The following MCUB variants were observed in gnomAD, a reference collection of about 807,000 sequenced individuals.
MCUB encodes calcium uniporter regulatory subunit MCUb, mitochondrial.
A neutral mutation model predicts 41.4 loss-of-function variants in MCUB; 46 were observed. The ratio of observed to expected loss-of-function variants is 1.11; its 90% confidence interval spans 0.88 to 1.42. The LOEUF (loss-of-function observed/expected upper bound fraction) is 1.42. Ranked by LOEUF, MCUB falls within the 40% of genes most tolerant of loss-of-function variation. The pLI, the probability that MCUB is intolerant of heterozygous loss-of-function variation, is 0.00. For synonymous variants in MCUB, 148 were observed against 148.2 expected (o/e 1.00, Z 0.01); for missense variants, 403 against 404.9 (o/e 1.00, Z 0.04).
intron 4 of MCUB, among the ~76,000 whole-genome samples, chr4:109,679,333 G>A (rs749800713): frequency 3.3e-5 from 5 of 152,152 alleles, no homozygotes; most frequent in South Asian, 2.1e-4. Context: ...CCGAGATCAC[G>A]CCACTGCACT....
At chr4:109,626,821 C>CAAAAAA (rs58560479) in intron 1 of MCUB, among the ~76,000 whole-genome samples, 2 of 81,556 alleles carry the variant, frequency 2.5e-5, no homozygotes, top group African/African-American at 1.0e-4. Flanking sequence ...GAGTCCGACT[C>CAAAAAA]AAAAAAAAAA....
At chr4:109,598,575 G>C (rs985568171) in intron 1 of MCUB, among the ~76,000 whole-genome samples, 1 of 150,700 alleles carries the variant, frequency 6.6e-6, no homozygotes, top group Non-Finnish European at 1.5e-5. Context: ...GGGCATGAGA[G>C]GGAGACCGTG....
intron 1 of MCUB, among the ~76,000 whole-genome samples, chr4:109,653,543 C>T (rs953981777): frequency 6.6e-6 from 1 of 152,072 alleles, no homozygotes; most frequent in African/African-American, 2.4e-5. Context: ...CATTCGTTTT[C>T]TATTGACTTT....
At position 109,594,354 on chromosome 4, in the gene MCUB, T is replaced by A. The variant is rs572421290; in HGVS notation, c.99+33918T>A. ...TTCAGGAATGTCATAATAGGCCTAG[T>A]GGCCTGCTAGCCTCAGATTTCCAAA... On this transcript the variant is annotated intron_variant, in intron 1 of 7. Coordinates refer to ENST00000394650, the MANE Select transcript of MCUB (RefSeq NM_017918.5). Among the ~76,000 whole-genome samples the A allele has an allele frequency of 3.3e-5, 5 of 152,314 alleles. No individual in the cohort carries two copies. In the South Asian group the frequency reaches 1.0e-3, roughly 32 times the overall value.
intron 1 of MCUB, among the ~76,000 whole-genome samples, chr4:109,649,752 A>T (rs775905617): frequency 3.3e-4 from 5 of 15,010 alleles, no homozygotes; most frequent in Non-Finnish European, 5.1e-4. Flanking sequence ...ATGATTTTTT[A>T]AAATAGAAAT....
rs200307243 is a variant in MCUB, at chr4:109,615,428, C to T, written c.100-43583C>T. Among the ~76,000 whole-genome samples, 348 of 142,560 alleles carry T rather than the reference C, an allele frequency of 2.4e-3. 4 individuals carry two copies. The highest frequency in any genetic ancestry group is 0.02 in the Admixed American group (283 of 13,982). 93.5% of individuals were successfully genotyped at this position (142,560 alleles called of 152,430 possible). Reference sequence around the variant, plus strand: ...GAATTTTTTTTTTTTTTTTTTGAGACGGAGTCTCGCTCTAGCTCCCAGGCT... The same window carrying T: ...GAATTTTTTTTTTTTTTTTTTGAGATGGAGTCTCGCTCTAGCTCCCAGGCT... On this transcript the variant is annotated intron_variant, in intron 1 of 7. Coordinates refer to ENST00000394650, the MANE Select transcript of MCUB (RefSeq NM_017918.5).
intron 1 of MCUB, among the ~76,000 whole-genome samples, chr4:109,578,486 T>C (rs1245489651): frequency 1.3e-5 from 2 of 151,732 alleles, no homozygotes; most frequent in Admixed American, 6.6e-5. Context: ...TCATAATGAA[T>C]CTCATACTTT....
intron 1 of MCUB, among the ~76,000 whole-genome samples, chr4:109,614,918 A>G (rs1728093533): frequency 6.6e-6 from 1 of 152,190 alleles, no homozygotes; most frequent in African/African-American, 2.4e-5. Context: ...TACACAGCAC[A>G]GAAAGCTTAT....
At chr4:109,650,085 C>T (rs1370132834) in intron 1 of MCUB, among the ~76,000 whole-genome samples, 2 of 152,146 alleles carry the variant, frequency 1.3e-5, no homozygotes, top group Non-Finnish European at 2.9e-5. Context: ...GTAGGCTCCT[C>T]AAGATGGGTT....
intron 4 of MCUB, among the ~76,000 whole-genome samples, chr4:109,682,190 C>T (rs940299880): frequency 6.6e-6 from 1 of 152,204 alleles, no homozygotes; most frequent in Admixed American, 6.5e-5. Context: ...TTCTGTCTCT[C>T]ACGAGGTCTT....
In MCUB at chr4:109,613,425, G is replaced by T. The variant is rs192022932; in HGVS notation, c.100-45586G>T. On this transcript the variant is annotated intron_variant, in intron 1 of 7. Coordinates refer to ENST00000394650, the MANE Select transcript of MCUB (RefSeq NM_017918.5). ...TACAAGGCTGTTGGAAAGCTTTCAGGTCCACTCACTGGTTGTTGGCTGCAT... is the reference window on the plus strand; with the variant it reads ...TACAAGGCTGTTGGAAAGCTTTCAGTTCCACTCACTGGTTGTTGGCTGCAT... 2.9e-3 allele frequency among the ~76,000 whole-genome samples: 443 copies of T among 152,288 alleles called. 1 individual carries two copies. The highest frequency in any genetic ancestry group is 9.9e-3 in the African/African-American group (413 of 41,546).
chr4:109,560,537 A>G lies in MCUB; in HGVS notation c.99+101A>G, dbSNP rs919883937. ...CAAAAGCCGAGCGGCCGAGCAGTCA[A>G]CTGCGTTTTGCTGGCTGCCGGGCTC... On this transcript the variant is annotated intron_variant, in intron 1 of 7. Coordinates refer to ENST00000394650, the MANE Select transcript of MCUB (RefSeq NM_017918.5). The G allele has an allele frequency of 7.9e-5, 44 of 556,562 alleles. No individual in the cohort carries two copies. In the East Asian group the frequency reaches 1.4e-3, roughly 18 times the overall value. 34.5% of individuals were successfully genotyped at this position (556,562 alleles called of 1,614,324 possible).
intron 1 of MCUB, among the ~76,000 whole-genome samples, chr4:109,563,535 A>C (rs952875730): frequency 6.6e-6 from 1 of 152,218 alleles, no homozygotes; most frequent in African/African-American, 2.4e-5. Context: ...GCAATTGGTT[A>C]AGTGTTGGTG....
At chr4:109,669,698 G>GTT (rs201836652) in intron 4 of MCUB, among the ~76,000 whole-genome samples, 147 of 138,940 alleles carry the variant, frequency 1.1e-3, no homozygotes, top group African/African-American at 3.7e-3. Flanking sequence ...TTCTGTTCTG[G>GTT]TTTTTTTTTT....
At chr4:109,682,776 A>G in intron 5 of MCUB, 34 bp downstream of exon 5, 4 of 1,538,132 alleles carry the variant, frequency 2.6e-6, no homozygotes, top group Non-Finnish European at 3.6e-6. Context: ...ATATTTGAAA[A>G]TAATACCTAG....
intron 1 of MCUB, among the ~76,000 whole-genome samples, chr4:109,586,906 C>G (rs1396888858): frequency 2.0e-5 from 3 of 152,204 alleles, no homozygotes; most frequent in Non-Finnish European, 4.4e-5. Context: ...TTAGGCTACA[C>G]GGAGGTCAGG....
At chr4:109,639,504 G>A (rs1229288263) in intron 1 of MCUB, among the ~76,000 whole-genome samples, 2 of 151,968 alleles carry the variant, frequency 1.3e-5, no homozygotes, top group Non-Finnish European at 2.9e-5. Flanking sequence ...CCTGGCCAAC[G>A]TGGTAAAATC....
rs182193984 is a variant in MCUB at position 109,588,872 on chromosome 4, A to T, written c.99+28436A>T. ...TATTTTTGTGGGGACTAAATTGGAT[A>T]TAAAGAATGATTGATAAAAAGGAAG... On this transcript the variant is annotated intron_variant, in intron 1 of 7. Transcript: ENST00000394650. 5.7e-3 allele frequency among the ~76,000 whole-genome samples: 872 copies of T among 152,320 alleles called. 6 individuals carry two copies. The highest frequency in any genetic ancestry group is 0.02 in the African/African-American group (814 of 41,562).
intron 1 of MCUB, among the ~76,000 whole-genome samples, chr4:109,613,680 A>G (rs888856250): frequency 4.6e-5 from 7 of 152,330 alleles, no homozygotes; most frequent in South Asian, 2.1e-4. Flanking sequence ...GAAGTACATC[A>G]CTGGGTCCTG....
Sources: allele counts gnomAD v4.1 joint callset (sites outside exome capture counted in the v4.1 genomes callset), GRCh38; gene constraint gnomAD v4.1.1; transcripts MANE v1.5; gene names NCBI Gene and HGNC (gene_info 2026-07-23, HGNC 2026-07-21).